The following PCDHA2 variants were observed in gnomAD, a reference collection of about 807,000 sequenced individuals.
The protein encoded by PCDHA2 is protocadherin alpha 2.
Under a neutral mutation model 66.0 loss-of-function variants are expected in PCDHA2, and 58 were observed. That is an observed-to-expected ratio of 0.88 (90% CI 0.71 to 1.09). The LOEUF is 1.09. PCDHA2 is among the 50% of genes least tolerant of loss of function. PCDHA2 has a pLI of 0.00. For missense variants in PCDHA2, 1,267 were observed against 1,242.3 expected (o/e 1.02, Z -0.30); for synonymous variants, 634 against 554.0 (o/e 1.14, Z -2.03).
In PCDHA2 at chr5:140,850,114, C is replaced by G. The variant is rs1286583620; in HGVS notation, c.2388+52762C>G. ...CAGTTCCAGGTGAGCGCGCGCGACG[C>G]GGGCGTGCCGCCTCTGGGCAGCAAC... On this transcript the variant is annotated intron_variant, in intron 1 of 3. Coordinates refer to ENST00000526136, the MANE Select transcript of PCDHA2 (RefSeq NM_018905.3). 9 of 1,595,876 alleles carry G rather than the reference C, an allele frequency of 5.6e-6. 1 individual carries two copies. The highest frequency in any genetic ancestry group is 1.1e-5 in the South Asian group (1 of 90,494).
chr5:140,827,864 T>C, intron 1 of PCDHA2: 1 of 608,420 alleles, frequency 1.6e-6, no homozygotes, highest in Non-Finnish European at 2.9e-6. Flanking sequence ...ATATATGGTA[T>C]AGCACTGTTA....
rs782037799 is a variant in PCDHA2 at position 140,877,180 on chromosome 5, G to A, written c.2388+79828G>A. ...CGCGCCGGCACTGCTGGCGACTCCG[G>A]CTGGCAGCGCAGGAGGCGCAGTTAG... On this transcript the variant is annotated intron_variant, in intron 1 of 3. Transcript: ENST00000526136. The A allele has an allele frequency of 1.1e-5, 18 of 1,613,692 alleles. No individual in the cohort carries two copies. In the South Asian group the frequency reaches 1.5e-4, roughly 14 times the overall value.
At position 140,899,599 on chromosome 5, in the gene PCDHA2, C is replaced by T. The variant is rs535938234; in HGVS notation, c.2389-79350C>T. Among the ~76,000 whole-genome samples the T allele has an allele frequency of 8.0e-3, 1,213 of 152,222 alleles. 6 individuals carry two copies. Among genetic ancestry groups the T allele is most frequent in the African/African-American group, 0.019 (784 of 41,538 alleles). ...CGGTTTGCCAGTATTTTATTGAGGA[C>T]TTTTGCATCAATGTTCATCAAGGAT... On this transcript the variant is annotated intron_variant, in intron 1 of 3. Coordinates refer to ENST00000526136, the MANE Select transcript of PCDHA2 (RefSeq NM_018905.3).
intron 2 of PCDHA2, among the ~76,000 whole-genome samples, chr5:140,980,561 C>T (rs1430874214): frequency 6.6e-6 from 1 of 151,974 alleles, no homozygotes; most frequent in Admixed American, 6.6e-5. Context: ...ACCCGGGAGG[C>T]GGAAGTTGCA....
intron 1 of PCDHA2, among the ~76,000 whole-genome samples, chr5:140,950,382 A>G (rs1424724989): frequency 3.3e-5 from 5 of 151,950 alleles, no homozygotes; most frequent in African/African-American, 7.2e-5. Context: ...CTTCCATTTG[A>G]ATGATATAGA....
At chr5:140,838,077 AGTGTGTGTGTGTGTGTGTGTGTGTGT>A (rs57130401) in intron 1 of PCDHA2, among the ~76,000 whole-genome samples, 3 of 80,664 alleles carry the variant, frequency 3.7e-5, no homozygotes, top group South Asian at 4.3e-4. Context: ...ATATATATAT[AGTGTGTGTGTGTGTGTGTGTGTGTGT>A]GTGTGTGTGT....
chr5:140,922,527 C>T (rs1436336713), intron 1 of PCDHA2, among the ~76,000 whole-genome samples: 2 of 152,130 alleles, frequency 1.3e-5, no homozygotes, highest in East Asian at 3.9e-4. Flanking sequence ...AAGATTGAAC[C>T]TAAGGATGTG....
rs540108731 is a variant in PCDHA2 at position 140,802,434 on chromosome 5, C to T, written c.2388+5082C>T. 3.7e-6 allele frequency: 6 copies of T among 1,614,248 alleles called. No individual in the cohort carries two copies. In the South Asian group the frequency reaches 6.6e-5, roughly 18 times the overall value. The stretch of plus-strand genomic sequence containing the variant: ...CTACTCATTGGTGCTGGACAGCCCT[C>T]TGGACCGCGAGAGCGTGTCGGCCTA... On this transcript the variant is annotated intron_variant, in intron 1 of 3. Transcript: ENST00000526136.
At chr5:140,966,396 C>T (rs770476013) in intron 1 of PCDHA2, 11 of 405,036 alleles carry the variant, frequency 2.7e-5, no homozygotes, top group Admixed American at 4.4e-5. Flanking sequence ...TCCGCCACTT[C>T]GGCGCGGAAT....
At chr5:140,824,707 G>C (rs1444477681) in intron 1 of PCDHA2, 1 of 138,454 alleles carries the variant, frequency 7.2e-6, no homozygotes, top group East Asian at 2.3e-4. Flanking sequence ...CCATGCTCCC[G>C]TCTCAGCCTC....
Position 140,857,497 on chromosome 5 carries a change from G to T in PCDHA2, c.2388+60145G>T, listed in dbSNP as rs1473016176. Reference sequence around the variant, plus strand: ...CGGTGTCTGCGTGGGACGCGGACGCGCAGGAGAACGCCCTGGTGTCCTACT... The same window carrying T: ...CGGTGTCTGCGTGGGACGCGGACGCTCAGGAGAACGCCCTGGTGTCCTACT... On this transcript the variant is annotated intron_variant, in intron 1 of 3. Coordinates refer to ENST00000526136, the MANE Select transcript of PCDHA2 (RefSeq NM_018905.3). 10 of 1,598,150 alleles carry T rather than the reference G, an allele frequency of 6.3e-6. 1 individual carries two copies. The highest frequency in any genetic ancestry group is 5.4e-5 in the African/African-American group (4 of 74,450).
chr5:140,946,156 T>G (rs138161459), intron 1 of PCDHA2, among the ~76,000 whole-genome samples: 1 of 151,944 alleles, frequency 6.6e-6, no homozygotes, highest in Non-Finnish European at 1.5e-5. Flanking sequence ...TAACACGATT[T>G]AAAAGATGGG....
At chr5:140,822,931 T>G in intron 1 of PCDHA2, 1 of 1,614,276 alleles carries the variant, frequency 6.2e-7, no homozygotes, top group Non-Finnish European at 8.5e-7. Flanking sequence ...GCAGGTGACC[T>G]GCTCCCTAAT....
intron 1 of PCDHA2, among the ~76,000 whole-genome samples, chr5:140,899,649 G>T (rs1405894081): frequency 6.6e-6 from 1 of 152,130 alleles, no homozygotes; most frequent in Non-Finnish European, 1.5e-5. Flanking sequence ...CTCTTATTTG[G>T]TTGTGTCTCT....
intron 1 of PCDHA2, among the ~76,000 whole-genome samples, chr5:140,947,317 G>A (rs1456422381): frequency 2.0e-5 from 3 of 151,480 alleles, no homozygotes; most frequent in Non-Finnish European, 4.4e-5. Flanking sequence ...TAAAAAGTCG[G>A]TTGACCATAA....
At chr5:140,871,679 A>G (rs2053261430) in intron 1 of PCDHA2, 2 of 1,116,800 alleles carry the variant, frequency 1.8e-6, no homozygotes, top group Admixed American at 3.1e-5. Flanking sequence ...TAATCATATG[A>G]ATAATCTGGC....
chr5:140,848,506 C>A (rs1229499943), intron 1 of PCDHA2: 1 of 1,588,430 alleles, frequency 6.3e-7, no homozygotes. Context: ...ATGTTATACT[C>A]AAGTCGAGGA....
At chr5:140,854,205 T>C (rs2043038740) in intron 1 of PCDHA2, 1 of 692,808 alleles carries the variant, frequency 1.4e-6, no homozygotes, top group East Asian at 1.3e-4. Flanking sequence ...CTACTTTTTA[T>C]TCAATATTGG....
intron 1 of PCDHA2, among the ~76,000 whole-genome samples, chr5:140,939,502 T>A (rs781895675): frequency 2.7e-5 from 4 of 150,818 alleles, no homozygotes; most frequent in Non-Finnish European, 5.9e-5. Flanking sequence ...AAATTCAATG[T>A]CTATAACATT....
Sources: allele counts gnomAD v4.1 joint callset (sites outside exome capture counted in the v4.1 genomes callset), GRCh38; gene constraint gnomAD v4.1.1; transcripts MANE v1.5; gene names NCBI Gene and HGNC (gene_info 2026-07-23, HGNC 2026-07-21).